The following ERMARD variants were observed in gnomAD, a reference collection of about 807,000 sequenced individuals.
ERMARD encodes ER membrane associated RNA degradation.
A neutral mutation model predicts 83.9 loss-of-function variants in ERMARD; 71 were observed. The observed-to-expected ratio is 0.85, with a 90% CI of 0.70 to 1.03. The LOEUF is 1.03. Ranked by LOEUF, ERMARD falls within the 50% of genes least tolerant of loss-of-function variation. The pLI is 0.00. For synonymous variants in ERMARD, 284 were observed against 298.6 expected, an observed-to-expected ratio of 0.95 and a Z score of 0.50; for missense variants, 838 against 810.9, an observed-to-expected ratio of 1.03 and a Z score of -0.41.
chr6:169,754,457 T>C (rs898191271), intron 2 of ERMARD, among the ~76,000 whole-genome samples: 1 of 152,188 alleles, frequency 6.6e-6, no homozygotes, highest in African/African-American at 2.4e-5. Flanking sequence ...ATAATAGTTA[T>C]AAAAATTACA....
chr6:169,776,306 T>G, intron 15 of ERMARD, 149 bp from the exon 16 acceptor site: 1 of 1,552,056 alleles, frequency 6.4e-7, no homozygotes, highest in Non-Finnish European at 8.7e-7. Context: ...TAGTTAACAC[T>G]TGCCGCGTGT....
At chr6:169,778,121 C>T (rs927930039) in intron 16 of ERMARD, among the ~76,000 whole-genome samples, 4 of 152,196 alleles carry the variant, frequency 2.6e-5, no homozygotes, top group Non-Finnish European at 5.9e-5. Context: ...GTGGAGGGGA[C>T]TGGGGGACAG....
intron 9 of ERMARD, among the ~76,000 whole-genome samples, chr6:169,764,542 G>A (rs1791962988): frequency 6.6e-6 from 1 of 152,162 alleles, no homozygotes; most frequent in South Asian, 2.1e-4. Flanking sequence ...AAAGTTTTGG[G>A]ATTGCAGGTG....
chr6:169,766,513 G>A (rs1259257533), intron 9 of ERMARD, 125 bp from the exon 10 acceptor site: 1 of 649,526 alleles, frequency 1.5e-6, no homozygotes, highest in African/African-American at 1.9e-5. Context: ...CTAGATGAAT[G>A]TTTGTTTTAA....
chr6:169,764,898 T>A (rs1792009355), intron 9 of ERMARD, among the ~76,000 whole-genome samples: 2 of 152,236 alleles, frequency 1.3e-5, no homozygotes, highest in Admixed American at 1.3e-4. Context: ...TGGAGGCTGC[T>A]TTTCTCTGTG....
At chr6:169,756,292 A>C (rs566903483) in intron 3 of ERMARD, 46 bp from the exon 4 acceptor site, 1 of 1,160,496 alleles carries the variant, frequency 8.6e-7, no homozygotes, top group African/African-American at 1.6e-5. Flanking sequence ...TGCTTTGAGA[A>C]GTAGTTTCAG....
At chr6:169,768,542 G>C (rs1342316824) in intron 11 of ERMARD, among the ~76,000 whole-genome samples, 1 of 152,146 alleles carries the variant, frequency 6.6e-6, no homozygotes, top group African/African-American at 2.4e-5. Context: ...CAGATCACAA[G>C]GTCAAGAGTT....
Position 169,756,808 on chromosome 6 carries a change from G to A in ERMARD, c.507G>A (p.Val169=), listed in dbSNP as rs1338967063. ...EELAQVFSQS[V]MNVLKVFVGS... is the part of the protein sequence containing the mutation. ...TTGCTCAAGTCTTCAGTCAGTCTGTGGTAAGCTTGTTCATCTAAACTCATG... is the reference window on the plus strand; with the variant it reads ...TTGCTCAAGTCTTCAGTCAGTCTGTAGTAAGCTTGTTCATCTAAACTCATG... Residue 169 remains valine (V), a splice_region_variant and synonymous_variant, in exon 5 of 18, where the codon GTG becomes GTA. Coordinates refer to ENST00000366773, the MANE Select transcript of ERMARD (RefSeq NM_018341.3). The A allele has an allele frequency of 2.5e-6, 4 of 1,613,528 alleles. No homozygotes were observed. The highest frequency in any genetic ancestry group is 2.2e-5 in the East Asian group (1 of 44,878).
Position 169,775,346 on chromosome 6 carries a change from G to C in ERMARD, c.1394G>C (p.Arg465Thr). 6.2e-7 allele frequency: 1 copy of C among 1,614,062 alleles called. No homozygotes were observed. The highest frequency in any genetic ancestry group is 2.2e-5 in the East Asian group (1 of 44,884). Reference sequence around the variant, plus strand: ...GAAGAACTCACTCGGCAAGCCGTCAGGTGCGTGGCATCCTGGGGCCTGGCT... The same window carrying C: ...GAAGAACTCACTCGGCAAGCCGTCACGTGCGTGGCATCCTGGGGCCTGGCT... ...FPEELTRQAV[R>T]LEDNSETNAC... Residue 465 changes from arginine to threonine, a missense_variant and splice_region_variant, in exon 14 of 18, where the codon AGA becomes ACA. Transcript: ENST00000366773.
chr6:169,755,513 C>G (rs1330704235), intron 3 of ERMARD, 91 bp downstream of exon 3: 5 of 1,495,030 alleles, frequency 3.3e-6, no homozygotes, highest in Non-Finnish European at 4.5e-6. Context: ...GGGCCTCCTT[C>G]ATCCCCAGGC....
In ERMARD at chr6:169,775,922, A is replaced by G. The variant is rs1488012713; in HGVS notation, c.1395-18A>G. On this transcript the variant is annotated intron_variant, in intron 14 of 17. Coordinates refer to ENST00000366773, the MANE Select transcript of ERMARD (RefSeq NM_018341.3). ...CACTTTAATTGTCACGTATCTTTAA[A>G]TATTTTCTGTTTTTCAGATTAGAAG... 4 of 1,613,550 alleles carry G rather than the reference A, an allele frequency of 2.5e-6. No individual in the cohort carries two copies. Among genetic ancestry groups the G allele is most frequent in the Non-Finnish European group, 3.4e-6 (4 of 1,179,896 alleles).
At chr6:169,774,770 C>T (rs1244818584) in intron 13 of ERMARD, among the ~76,000 whole-genome samples, 6 of 152,184 alleles carry the variant, frequency 3.9e-5, no homozygotes. Context: ...GCTGTGGTCC[C>T]CCAGGGCTTC....
chr6:169,773,355 G>A lies in ERMARD; in HGVS notation c.1270G>A (p.Glu424Lys), dbSNP rs749663775. 1.2e-6 allele frequency: 2 copies of A among 1,614,180 alleles called. No homozygotes were observed. The highest frequency in any genetic ancestry group is 1.7e-6 in the Non-Finnish European group (2 of 1,180,020). The change falls in exon 13 of 18, where the codon GAA becomes AAA. Residue 424 changes from glutamate to lysine, a missense_variant. Transcript: ENST00000366773. Reference sequence around the variant, plus strand: ...CGTAGAATTGTTGATTAGTCTTGCAGAAGGCTATAGTTCTCGCTGTCATCC... The same window carrying A: ...CGTAGAATTGTTGATTAGTCTTGCAAAAGGCTATAGTTCTCGCTGTCATCC... ...SAVELLISLA[E>K]GYSSRCHPVF...
intron 2 of ERMARD, among the ~76,000 whole-genome samples, chr6:169,754,488 G>C (rs765536474): frequency 6.6e-6 from 1 of 152,166 alleles, no homozygotes; most frequent in Admixed American, 6.5e-5. Flanking sequence ...CTCTGGCCTA[G>C]CAGTCCGTTT....
chr6:169,756,933 G>A (rs1314901149), intron 5 of ERMARD, 125 bp downstream of exon 5: 9 of 826,162 alleles, frequency 1.1e-5, no homozygotes, highest in Middle Eastern at 3.6e-4. Context: ...GGCTGAGGAG[G>A]CCTCAGAATC....
intron 9 of ERMARD, among the ~76,000 whole-genome samples, chr6:169,763,523 G>A (rs570047505): frequency 1.2e-4 from 18 of 152,380 alleles, no homozygotes; most frequent in Non-Finnish European, 2.4e-4. Flanking sequence ...GCATGGAAGC[G>A]TTCCTGGATG....
Position 169,751,672 on chromosome 6 carries a change from G to T in ERMARD, c.6+9G>T, listed in dbSNP as rs765952231. ...CACCGGAAGTTATGGAGGTAGGGCG[G>T]GTGTAGGGCCCGGTTCGATCCCGAG... On this transcript the variant is annotated intron_variant, in intron 1 of 17. Coordinates refer to ENST00000366773, the MANE Select transcript of ERMARD (RefSeq NM_018341.3). The T allele has an allele frequency of 6.4e-7, 1 of 1,554,540 alleles. No homozygotes were observed. The highest frequency in any genetic ancestry group is 8.7e-7 in the Non-Finnish European group (1 of 1,149,464).
intron 16 of ERMARD, among the ~76,000 whole-genome samples, chr6:169,777,406 A>G (rs1213856417): frequency 1.3e-5 from 2 of 152,146 alleles, no homozygotes; most frequent in Non-Finnish European, 2.9e-5. Context: ...TTCTCTTTGT[A>G]GCCACCTTAT....
rs1791688882 is a variant in ERMARD, at chr6:169,762,532, G to T, written c.960+1G>T. ...TCCAAAAAGACTCCTGACTGCTGAG[G>T]TAAGCTTGTTTTTATTATTGATTGT... On this transcript the variant is annotated splice_donor_variant, in intron 9 of 17. Coordinates refer to ENST00000366773, the MANE Select transcript of ERMARD (RefSeq NM_018341.3). LOFTEE classifies it high-confidence loss of function. 2 of 1,611,210 alleles carry T rather than the reference G, an allele frequency of 1.2e-6. No individual in the cohort carries two copies. Among genetic ancestry groups the T allele is most frequent in the Non-Finnish European group, 1.7e-6 (2 of 1,178,284 alleles).
Sources: gnomAD v4.1 joint callset for allele counts (sites outside exome capture counted in the v4.1 genomes callset) on GRCh38, gnomAD v4.1.1 for gene constraint, MANE v1.5 for transcripts, NCBI Gene and HGNC (gene_info 2026-07-23, HGNC 2026-07-21) for gene names.